The following USF3 variants were observed in gnomAD, a reference collection of about 807,000 sequenced individuals.
USF3 encodes basic helix-loop-helix domain-containing protein USF3.
USF3 carries 29 observed loss-of-function variants against 157.5 expected under a neutral mutation model. That is an observed-to-expected ratio of 0.18 (90% CI 0.14 to 0.25). USF3 has a LOEUF of 0.25. Ranked by LOEUF, USF3 falls within the 10% of genes least tolerant of loss-of-function variation. The pLI is 1.00. For synonymous variants in USF3, 893 were observed against 941.4 expected (o/e 0.95, Z 0.94); for missense variants, 2,381 against 2,667.6 (o/e 0.89, Z 2.37).
Position 113,656,445 on chromosome 3 carries a change from G to T in USF3, c.5237C>A (p.Pro1746His). 1 of 1,614,104 alleles carries T rather than the reference G, an allele frequency of 6.2e-7. No individual in the cohort carries two copies. Among genetic ancestry groups the T allele is most frequent in the South Asian group, 1.1e-5 (1 of 91,086 alleles). ...AGATTGTACTTCAAAATTACTCTGG[G>T]GCTGTTGACTAGCTCCACTTGGTTT... is the stretch of plus-strand genomic sequence containing the variant. ...TFKPSGASQQ[P>H]QSNFEVQSSR... The change falls in exon 7 of 7, where the codon CCC (proline) becomes CAC (histidine). Residue 1746 changes from proline (P) to histidine (H), a missense_variant. Pro to His is a moderately conservative substitution (Grantham distance 77). Coordinates refer to ENST00000316407, the MANE Select transcript of USF3 (RefSeq NM_001009899.4).
chr3:113,652,378 CTGT>C lies in USF3; in HGVS notation c.*2563_*2565del, dbSNP rs1246236713. On this transcript the variant is annotated 3_prime_UTR_variant, in exon 7 of 7. Coordinates refer to ENST00000316407, the MANE Select transcript of USF3 (RefSeq NM_001009899.4). ...AAAAAGTTTTGACTACTGTGTTTAT[CTGT>C]TGTCTTGAGTAACTTATTCATGAAG... 3 of 151,968 alleles carry C rather than the reference CTGT, an allele frequency of 2.0e-5. No individual in the cohort carries two copies. The highest frequency in any genetic ancestry group is 2.9e-5 in the Non-Finnish European group (2 of 68,004). The allele number at this position is 151,968 out of a possible 1,614,324, so 9.4% of individuals were successfully genotyped here.
chr3:113,664,005 G>A lies in USF3; in HGVS notation c.256+308C>T, dbSNP rs565695380. Reference sequence around the variant, plus strand: ...ATCTTCTTATGGGATTGCCCTAACTGCAATGTCCAATTGGAATAAAGGAGA... The same window carrying A: ...ATCTTCTTATGGGATTGCCCTAACTACAATGTCCAATTGGAATAAAGGAGA... On this transcript the variant is annotated intron_variant, in intron 6 of 6. Coordinates refer to ENST00000316407, the MANE Select transcript of USF3 (RefSeq NM_001009899.4). 2.0e-5 allele frequency among the ~76,000 whole-genome samples: 3 copies of A among 152,238 alleles called. No homozygotes were observed. The South Asian group carries it at 6.2e-4, about 32-fold the overall frequency.
At chr3:113,677,821 A>C (rs1707314664) in intron 1 of USF3, among the ~76,000 whole-genome samples, 2 of 152,102 alleles carry the variant, frequency 1.3e-5, no homozygotes, top group African/African-American at 2.4e-5. Flanking sequence ...AAACTTACAT[A>C]AGGACCTTCC....
chr3:113,670,619 G>GGGGGAAGGGGAGCGGAA (rs1707131740), intron 4 of USF3, among the ~76,000 whole-genome samples: 1 of 151,972 alleles, frequency 6.6e-6, no homozygotes, highest in African/African-American at 2.4e-5. Context: ...AAAAAGGGAA[G>GGGGGAAGGGGAGCGGAA]GGGGAAGGGG....
rs771423811 is a variant in USF3 at position 113,670,135 on chromosome 3, G to A, written c.145C>T (p.Pro49Ser). The A allele has an allele frequency of 3.1e-6, 5 of 1,611,734 alleles. No individual in the cohort carries two copies. Among genetic ancestry groups the A allele is most frequent in the Non-Finnish European group, 4.2e-6 (5 of 1,177,812 alleles). ...NRIGELIPCS[P>S]ALKQSKNMIL... Reference sequence around the variant, plus strand: ...AGACTTCTTACCTGCTTCAGGGCAGGAGAACATGGGATCAGCTCTCCTATT... The same window carrying A: ...AGACTTCTTACCTGCTTCAGGGCAGAAGAACATGGGATCAGCTCTCCTATT... Residue 49 changes from proline (P) to serine (S), a missense_variant, in exon 5 of 7, where the codon CCT becomes TCT. Physicochemically the swap from Pro to Ser is moderately conservative, Grantham distance 74 (BLOSUM62 -1). Transcript: ENST00000316407.
At chr3:113,685,379 A>T (rs1707524471) in intron 1 of USF3, among the ~76,000 whole-genome samples, 1 of 152,078 alleles carries the variant, frequency 6.6e-6, no homozygotes, top group Non-Finnish European at 1.5e-5. Context: ...ATTCAAGCCC[A>T]GGGGCTCTTT....
chr3:113,670,108 G>A lies in USF3; in HGVS notation c.159+13C>T. 6.4e-7 allele frequency: 1 copy of A among 1,561,426 alleles called. No homozygotes were observed. The highest frequency in any genetic ancestry group is 8.8e-7 in the Non-Finnish European group (1 of 1,132,020). On this transcript the variant is annotated intron_variant, in intron 5 of 6. Transcript: ENST00000316407. ...TCATAAGTAATGAATGAAGATATGA[G>A]TAGACTTCTTACCTGCTTCAGGGCA...
At chr3:113,668,133 C>T (rs1411592864) in intron 5 of USF3, among the ~76,000 whole-genome samples, 6 of 151,920 alleles carry the variant, frequency 3.9e-5, no homozygotes, top group African/African-American at 1.5e-4. Context: ...CACCCCCTAC[C>T]CTGCCCCCAC....
chr3:113,659,521 T>C lies in USF3; in HGVS notation c.2161A>G (p.Met721Val). 1 of 1,614,212 alleles carries C rather than the reference T, an allele frequency of 6.2e-7. No homozygotes were observed. ...AATTGTACACAGCTTTGCCCAGCCA[T>C]CTGTGATATGCTTTGATTGAGGCTG... ...LASLNQSISQ[M>V]AGQSCVQLSI... Residue 721 changes from methionine (M) to valine (V), a missense_variant, in exon 7 of 7, where the codon ATG becomes GTG. Met to Val is a conservative substitution (Grantham distance 21). Coordinates refer to ENST00000316407, the MANE Select transcript of USF3 (RefSeq NM_001009899.4).
intron 6 of USF3, 109 bp downstream of exon 6, chr3:113,664,204 A>G: frequency 1.6e-6 from 1 of 640,210 alleles, no homozygotes; most frequent in Non-Finnish European, 2.7e-6. Flanking sequence ...GGGTCTTAAT[A>G]ATGTTTTGGG....
At position 113,656,515 on chromosome 3, in the gene USF3, G is replaced by A. The variant is rs1231023208; in HGVS notation, c.5167C>T (p.His1723Tyr). 7 of 1,614,178 alleles carry A rather than the reference G, an allele frequency of 4.3e-6. No homozygotes were observed. The highest frequency in any genetic ancestry group is 1.1e-5 in the South Asian group (1 of 91,078). Residue 1723 changes from histidine (H) to tyrosine (Y), a missense_variant, in exon 7 of 7, where the codon CAT (histidine) becomes TAT (tyrosine). Around this residue, in one of 6 missense-constraint regions of USF3, gnomAD observed 770 missense variants for 824.2 expected, o/e 0.93. Coordinates refer to ENST00000316407, the MANE Select transcript of USF3 (RefSeq NM_001009899.4). The part of the protein sequence containing the change: ...AIHNMQGRVD[H>Y]TVASDIRLSD... ...AGGCGGATATCTGAGGCCACAGTAT[G>A]GTCCACACGACCCTGCATATTATGA...
At chr3:113,672,938 T>C (rs937848419) in intron 4 of USF3, among the ~76,000 whole-genome samples, 6 of 152,254 alleles carry the variant, frequency 3.9e-5, no homozygotes, top group Admixed American at 6.5e-5. Context: ...AATTTAAGAC[T>C]GTTCACATTA....
rs1947290538 is a variant in USF3 at position 113,652,954 on chromosome 3, A to C, written c.*1990T>G. 1 of 1,027,978 alleles carries C rather than the reference A, an allele frequency of 9.7e-7. No homozygotes were observed. The highest frequency in any genetic ancestry group is 1.4e-6 in the Non-Finnish European group (1 of 730,206). 63.7% of individuals were successfully genotyped at this position (1,027,978 alleles called of 1,614,324 possible). On this transcript the variant is annotated 3_prime_UTR_variant, in exon 7 of 7. Coordinates refer to ENST00000316407, the MANE Select transcript of USF3 (RefSeq NM_001009899.4). The stretch of plus-strand genomic sequence containing the variant: ...AGCCTGGGTGACAAAGTGACCTTGA[A>C]TATCTCCTGAGGAAGAGGAACTTGA...
At chr3:113,684,082 CTT>C (rs555383276) in intron 1 of USF3, among the ~76,000 whole-genome samples, 117 of 152,208 alleles carry the variant, frequency 7.7e-4, no homozygotes, top group African/African-American at 2.7e-3. Context: ...CTGGGAAAGT[CTT>C]TTTTTCCTCT....
chr3:113,657,423 C>T lies in USF3; in HGVS notation c.4259G>A (p.Cys1420Tyr). Residue 1420 changes from cysteine (C) to tyrosine (Y), a missense_variant, in exon 7 of 7, where the codon TGT becomes TAT. This residue lies in a region of USF3 where 1,435 missense variants were observed against 1,550.9 expected (regional missense o/e 0.93). Coordinates refer to ENST00000316407, the MANE Select transcript of USF3 (RefSeq NM_001009899.4). ...TTCAGCAACTGAAGGCTGAGAACCA[C>T]ACTGAACTTCAGTTTGCCTCAATGC... ...TPALRQTEVQ[C>Y]GSQPSVAEQQ... The T allele has an allele frequency of 1.2e-6, 2 of 1,614,108 alleles. No homozygotes were observed. Among genetic ancestry groups the T allele is most frequent in the Non-Finnish European group, 1.7e-6 (2 of 1,180,022 alleles).
rs977160920 is a variant in USF3, at chr3:113,648,538, T to C, written c.*6406A>G. 2 of 152,612 alleles carry C rather than the reference T, an allele frequency of 1.3e-5. No homozygotes were observed. The highest frequency in any genetic ancestry group is 2.4e-5 in the African/African-American group (1 of 41,454). The allele number at this position is 152,612 out of a possible 1,614,324, so 9.5% of individuals were successfully genotyped here. ...ATGGTTCAGAATATTCACACCCTAA[T>C]ACAATGCATTTGTAAAAAGATGTCA... On this transcript the variant is annotated 3_prime_UTR_variant, in exon 7 of 7. Coordinates refer to ENST00000316407, the MANE Select transcript of USF3 (RefSeq NM_001009899.4).
rs778091296 is a variant in USF3, at chr3:113,657,778, T to C, written c.3904A>G (p.Thr1302Ala). 3.7e-6 allele frequency: 6 copies of C among 1,613,974 alleles called. No individual in the cohort carries two copies. The Admixed American group carries it at 5.0e-5, about 13-fold the overall frequency. The change falls in exon 7 of 7, where the codon ACT becomes GCT. Residue 1302 changes from threonine to alanine, a missense_variant. By Grantham distance (58) the Thr-to-Ala change is moderately conservative. Transcript: ENST00000316407. ...MTEYSQEQLN[T>A]MTSTIPNSQI... ...GAATTTGGTATGGTACTAGTCATAGTATTTAGCTGTTCTTGGGAATATTCA... is the reference window on the plus strand; with the variant it reads ...GAATTTGGTATGGTACTAGTCATAGCATTTAGCTGTTCTTGGGAATATTCA...
At chr3:113,668,736 C>A (rs908853403) in intron 5 of USF3, among the ~76,000 whole-genome samples, 7 of 152,006 alleles carry the variant, frequency 4.6e-5, no homozygotes, top group Non-Finnish European at 7.4e-5. Context: ...AAAAAACCTA[C>A]ATATACTATT....
rs778624056 is a variant in USF3, at chr3:113,650,105, C to T, written c.*4839G>A. The T allele has an allele frequency of 7.9e-6, 4 of 507,656 alleles. No homozygotes were observed. The highest frequency in any genetic ancestry group is 1.4e-5 in the Non-Finnish European group (4 of 286,560). 31.4% of individuals were successfully genotyped at this position (507,656 alleles called of 1,614,324 possible). On this transcript the variant is annotated 3_prime_UTR_variant, in exon 7 of 7. Transcript: ENST00000316407. ...CAGCCACAGGCGCACTACCTCCAGG[C>T]AAAGGTAGCATTTATATAGACAACA...
Sources: gnomAD v4.1 joint callset for allele counts (sites outside exome capture counted in the v4.1 genomes callset) on GRCh38, gnomAD v4.1.1 for gene constraint, gnomAD v4.1.1 regional missense constraint, MANE v1.5 for transcripts, NCBI Gene and HGNC (gene_info 2026-07-23, HGNC 2026-07-21) for gene names.